The following TSPAN7 variants were observed in gnomAD, a reference collection of about 807,000 sequenced individuals.
TSPAN7 encodes tetraspanin 7, also known as tetraspanin-7.
A neutral mutation model predicts 17.6 loss-of-function variants in TSPAN7; 1 was observed. The ratio of observed to expected loss-of-function variants is 0.06; its 90% CI spans 0.02 to 0.27. TSPAN7 has a LOEUF of 0.27. TSPAN7 is among the 10% of genes least tolerant of loss of function. The pLI is 1.00. For missense variants in TSPAN7, 112 were observed against 201.7 expected (o/e 0.56, Z 2.69); for synonymous variants, 78 against 79.0 (o/e 0.99, Z 0.07).
chrX:38,612,866 C>T (rs2069428548), intron 1 of TSPAN7, among the ~76,000 whole-genome samples: 1 of 111,491 alleles, frequency 9.0e-6, no homozygotes, highest in Non-Finnish European at 1.9e-5. Context: ...CTTTTTCTCT[C>T]TGCAAGTTTA....
At chrX:38,566,529 A>T (rs998174242) in intron 1 of TSPAN7, among the ~76,000 whole-genome samples, 9 of 112,051 alleles carry the variant, frequency 8.0e-5, no homozygotes, top group African/African-American at 2.9e-4. Context: ...AAGTTTTTTT[A>T]AAACAATGTT....
At chrX:38,581,831 C>A (rs1361109857) in intron 1 of TSPAN7, among the ~76,000 whole-genome samples, 1 of 112,344 alleles carries the variant, frequency 8.9e-6, no homozygotes, top group East Asian at 2.8e-4. Context: ...GCTATAAGCC[C>A]CCAACCACTT....
intron 1 of TSPAN7, among the ~76,000 whole-genome samples, chrX:38,623,258 A>G (rs1161845443): frequency 9.0e-6 from 1 of 111,570 alleles, no homozygotes; most frequent in Non-Finnish European, 1.9e-5. Flanking sequence ...TTTTTGAATG[A>G]TGAGGCAAGC....
intron 1 of TSPAN7, among the ~76,000 whole-genome samples, chrX:38,602,870 G>C (rs750833606): frequency 3.0e-4 from 34 of 111,645 alleles, no homozygotes; most frequent in African/African-American, 1.1e-3. Context: ...CAGTGAGAAA[G>C]CCAGCTAGTG....
chrX:38,580,988 G>A (rs1381966418), intron 1 of TSPAN7, among the ~76,000 whole-genome samples: 1 of 112,385 alleles, frequency 8.9e-6, no homozygotes, highest in Non-Finnish European at 1.9e-5. Context: ...GCACAAGGGA[G>A]AAGCCTCTGT....
intron 1 of TSPAN7, among the ~76,000 whole-genome samples, chrX:38,581,280 C>T (rs1193061893): frequency 1.8e-5 from 2 of 112,063 alleles, no homozygotes; most frequent in African/African-American, 6.5e-5. Flanking sequence ...AAGACATACC[C>T]GAGACTGGGT....
intron 1 of TSPAN7, among the ~76,000 whole-genome samples, chrX:38,579,563 G>A (rs2069216296): frequency 9.0e-6 from 1 of 111,186 alleles, no homozygotes; most frequent in African/African-American, 3.3e-5. Context: ...GTGACAGAGC[G>A]AGACTGTGTC....
At chrX:38,641,559 C>G (rs1365396503) in intron 1 of TSPAN7, among the ~76,000 whole-genome samples, 2 of 111,705 alleles carry the variant, frequency 1.8e-5, no homozygotes, top group Non-Finnish European at 3.8e-5. Context: ...CTATGTGCCT[C>G]TTTCCTCCTC....
intron 1 of TSPAN7, among the ~76,000 whole-genome samples, chrX:38,581,494 AC>A (rs769035252): frequency 8.4e-5 from 9 of 106,820 alleles, no homozygotes; most frequent in South Asian, 4.2e-4. Flanking sequence ...CACGGGAAAG[AC>A]CCCCCCCTCA....
chrX:38,622,492 G>A, intron 1 of TSPAN7, among the ~76,000 whole-genome samples: 1 of 112,350 alleles, frequency 8.9e-6, no homozygotes, highest in East Asian at 2.8e-4. Context: ...GAGCTGCAGT[G>A]AGCTGTGGTT....
At chrX:38,563,077 T>C in intron 1 of TSPAN7, 2 of 971,546 alleles carry the variant, frequency 2.1e-6, no homozygotes, top group Non-Finnish European at 2.6e-6. Flanking sequence ...GGATCAAAAA[T>C]ATTCCTAATG....
intron 1 of TSPAN7, among the ~76,000 whole-genome samples, chrX:38,651,357 C>T (rs1032248096): frequency 1.9e-4 from 21 of 110,612 alleles, no homozygotes; most frequent in Middle Eastern, 4.7e-3. Context: ...CCCAGCTACT[C>T]GGGAGGCTGA....
intron 1 of TSPAN7, among the ~76,000 whole-genome samples, chrX:38,654,771 C>T (rs2069692941): frequency 8.9e-6 from 1 of 112,344 alleles, no homozygotes; most frequent in Non-Finnish European, 1.9e-5. Flanking sequence ...ACTTAACATT[C>T]ATTTTGGTAG....
intron 1 of TSPAN7, among the ~76,000 whole-genome samples, chrX:38,658,870 A>T (rs2069721658): frequency 9.0e-6 from 1 of 110,964 alleles, no homozygotes; most frequent in Non-Finnish European, 1.9e-5. Context: ...TGGATTTCTT[A>T]TTGGTTCTCA....
chrX:38,672,503 T>C (rs2069827824), intron 3 of TSPAN7, among the ~76,000 whole-genome samples: 1 of 110,363 alleles, frequency 9.1e-6, no homozygotes, highest in Admixed American at 9.7e-5. Context: ...AGAACCCAGT[T>C]TGTATGGGTG....
rs762922950 is a variant in TSPAN7, at chrX:38,671,951, G to A, written c.345+501G>A. 6.3e-4 allele frequency among the ~76,000 whole-genome samples: 70 copies of A among 111,309 alleles called. 1 individual carries two copies. Among genetic ancestry groups the A allele is most frequent in the Non-Finnish European group, 1.1e-3 (58 of 53,012 alleles). The stretch of plus-strand genomic sequence containing the variant: ...TAGTCCCAGCTACTTAGGAGGCTGA[G>A]GAGGGAGGATCACTTGAGCTTGGGA... On this transcript the variant is annotated intron_variant, in intron 3 of 7. Coordinates refer to ENST00000378482, the MANE Select transcript of TSPAN7 (RefSeq NM_004615.4).
chrX:38,688,264 C>T lies in TSPAN7; in HGVS notation c.*333C>T, dbSNP rs1308473363. 1.8e-5 allele frequency: 2 copies of T among 113,534 alleles called. No individual in the cohort carries two copies. Among genetic ancestry groups the T allele is most frequent in the Admixed American group, 9.2e-5 (1 of 10,815 alleles). The allele number at this position is 113,534 out of a possible 1,213,427, so 9.4% of individuals were successfully genotyped here. ...ACTTGGTCCAACTGCAACTCATCAT[C>T]GGTGACTGGTTATCACACCATCGCT... On this transcript the variant is annotated 3_prime_UTR_variant, in exon 8 of 8. Coordinates refer to ENST00000378482, the MANE Select transcript of TSPAN7 (RefSeq NM_004615.4).
intron 1 of TSPAN7, among the ~76,000 whole-genome samples, chrX:38,620,046 C>T (rs915944975): frequency 9.0e-6 from 1 of 111,550 alleles, no homozygotes; most frequent in African/African-American, 3.3e-5. Flanking sequence ...AGGGACATGG[C>T]GAGGGTGGAT....
intron 6 of TSPAN7, among the ~76,000 whole-genome samples, chrX:38,684,824 G>A (rs2069916801): frequency 9.0e-6 from 1 of 110,942 alleles, no homozygotes; most frequent in Admixed American, 9.6e-5. Context: ...CTTGAAGTTG[G>A]GCAGCTACTA....
Sources: allele counts gnomAD v4.1 joint callset (sites outside exome capture counted in the v4.1 genomes callset), GRCh38; gene constraint gnomAD v4.1.1; transcripts MANE v1.5; gene names NCBI Gene and HGNC (gene_info 2026-07-23, HGNC 2026-07-21).